CHRM2: variants seen among roughly 807,000 people sequenced by gnomAD.
CHRM2 encodes the protein cholinergic receptor muscarinic 2.
CHRM2 carries 8 observed loss-of-function variants against 25.0 expected under a neutral mutation model. The ratio of observed to expected loss-of-function variants is 0.32; its 90% CI spans 0.19 to 0.58. The LOEUF is 0.58. CHRM2 is among the 20% of genes least tolerant of loss of function. The pLI is 0.88. For missense variants in CHRM2, 440 were observed against 567.1 expected (o/e 0.78, Z 2.28); for synonymous variants, 202 against 205.7 (o/e 0.98, Z 0.15).
chr7:136,887,966 G>A (rs186476379), intron 2 of CHRM2, among the ~76,000 whole-genome samples: 3 of 152,138 alleles, frequency 2.0e-5, no homozygotes, highest in Admixed American at 2.0e-4. Context: ...CTTTGGGAAG[G>A]CAGAACTGGA....
At chr7:136,957,970 T>A (rs1291882063) in intron 2 of CHRM2, among the ~76,000 whole-genome samples, 2 of 152,226 alleles carry the variant, frequency 1.3e-5, no homozygotes, top group Non-Finnish European at 2.9e-5. Flanking sequence ...TATTTACCAT[T>A]TGATCATCTG....
intron 2 of CHRM2, among the ~76,000 whole-genome samples, chr7:136,983,568 A>T (rs1802633849): frequency 6.6e-6 from 1 of 151,956 alleles, no homozygotes; most frequent in Admixed American, 6.6e-5. Context: ...ATCTTCATGG[A>T]TTTATCTACC....
At chr7:136,920,418 A>G (rs1288858656) in intron 2 of CHRM2, among the ~76,000 whole-genome samples, 1 of 152,184 alleles carries the variant, frequency 6.6e-6, no homozygotes, top group Non-Finnish European at 1.5e-5. Context: ...GTCTGAGAAC[A>G]TACTGTGTTC....
intron 2 of CHRM2, among the ~76,000 whole-genome samples, chr7:136,972,522 C>T (rs1801842468): frequency 6.6e-6 from 1 of 152,044 alleles, no homozygotes; most frequent in African/African-American, 2.4e-5. Flanking sequence ...TCCATTCCCT[C>T]TAGCGTTTTC....
chr7:136,996,865 A>G lies in CHRM2; in HGVS notation c.-47+4601A>G, dbSNP rs1186113261. On this transcript the variant is annotated intron_variant, in intron 3 of 3. Transcript: ENST00000680005. ...GAGCCTACAGGCCAAAGCTGTCCAC[A>G]AACATGTTTTGCTGGCTTCTCAGTA... Among the ~76,000 whole-genome samples the G allele has an allele frequency of 2.0e-5, 3 of 152,230 alleles. No individual in the cohort carries two copies. In the East Asian group the frequency reaches 5.8e-4, roughly 29 times the overall value.
chr7:136,931,275 G>T (rs1400932198), intron 2 of CHRM2, among the ~76,000 whole-genome samples: 2 of 152,188 alleles, frequency 1.3e-5, no homozygotes, highest in African/African-American at 4.8e-5. Context: ...CACAAAGACA[G>T]ATAGAGATTT....
intron 2 of CHRM2, among the ~76,000 whole-genome samples, chr7:136,904,030 T>C (rs770820293): frequency 2.6e-5 from 4 of 151,992 alleles, no homozygotes; most frequent in Non-Finnish European, 5.9e-5. Flanking sequence ...TTTAATGTAC[T>C]ATTGAATTCC....
At chr7:136,984,289 C>T (rs893753908) in intron 2 of CHRM2, among the ~76,000 whole-genome samples, 6 of 152,144 alleles carry the variant, frequency 3.9e-5, no homozygotes, top group African/African-American at 1.2e-4. Flanking sequence ...TGCCCCTCCC[C>T]CCACCAAGCT....
At chr7:137,000,094 T>A (rs1240681954) in intron 3 of CHRM2, among the ~76,000 whole-genome samples, 1 of 151,582 alleles carries the variant, frequency 6.6e-6, no homozygotes, top group Admixed American at 6.6e-5. Flanking sequence ...TTTCTACTAC[T>A]CCCAACCTAG....
chr7:137,009,816 A>C (rs1804687937), intron 3 of CHRM2, among the ~76,000 whole-genome samples: 1 of 152,036 alleles, frequency 6.6e-6, no homozygotes, highest in Non-Finnish European at 1.5e-5. Flanking sequence ...TATCATTACC[A>C]GTAGTAGTAT....
chr7:136,933,065 AT>A (rs1441764758), intron 2 of CHRM2, among the ~76,000 whole-genome samples: 2 of 152,062 alleles, frequency 1.3e-5, no homozygotes, highest in African/African-American at 2.4e-5. Flanking sequence ...TAAATAAATA[AT>A]TTTTTTAAAT....
Position 137,015,362 on chromosome 7 carries a change from T to G in CHRM2, c.497T>G (p.Val166Gly). ...APAILFWQFI[V>G]GVRTVEDGEC... is the part of the protein sequence containing the mutation. ...GCCATTCTCTTCTGGCAGTTCATTGTAGGGGTGAGAACTGTGGAGGATGGG... is the reference window on the plus strand; with the variant it reads ...GCCATTCTCTTCTGGCAGTTCATTGGAGGGGTGAGAACTGTGGAGGATGGG... The change falls in exon 4 of 4, where the codon GTA (valine) becomes GGA (glycine). Residue 166 changes from valine (V) to glycine (G), a missense_variant. Val to Gly is a moderately radical substitution (Grantham distance 109). Around this residue, in one of 5 missense-constraint regions of CHRM2, gnomAD observed 261 missense variants for 261.8 expected, o/e 1.00. Transcript: ENST00000680005. This position sits in a 1 kb window ranked among gnomAD's most constrained non-coding sequence, Gnocchi z 5.1. The G allele has an allele frequency of 2.5e-6, 4 of 1,613,506 alleles. No individual in the cohort carries two copies. The highest frequency in any genetic ancestry group is 3.4e-6 in the Non-Finnish European group (4 of 1,179,636).
intron 3 of CHRM2, among the ~76,000 whole-genome samples, chr7:137,001,735 C>T (rs1335300949): frequency 6.6e-6 from 1 of 152,136 alleles, no homozygotes; most frequent in Non-Finnish European, 1.5e-5. Context: ...GGGAGGCCTG[C>T]TCTAACCTGG....
chr7:136,952,025 G>A (rs1387154023), intron 2 of CHRM2, among the ~76,000 whole-genome samples: 4 of 152,148 alleles, frequency 2.6e-5, no homozygotes, highest in Admixed American at 1.3e-4. Flanking sequence ...AGGATTTGTC[G>A]CCCTAGACCC....
At chr7:136,929,298 A>G (rs1383494442) in intron 2 of CHRM2, among the ~76,000 whole-genome samples, 1 of 151,644 alleles carries the variant, frequency 6.6e-6, no homozygotes, top group Non-Finnish European at 1.5e-5. Context: ...AACAGAGCAA[A>G]GAAAGTGTGT....
At chr7:136,938,545 G>C (rs1799556328) in intron 2 of CHRM2, 1 of 921,344 alleles carries the variant, frequency 1.1e-6, no homozygotes, top group African/African-American at 1.6e-5. Flanking sequence ...TGACTGCAGT[G>C]ATCCCTCCCA....
At chr7:136,907,891 C>T (rs932530560) in intron 2 of CHRM2, 17 of 151,888 alleles carry the variant, frequency 1.1e-4, no homozygotes, top group Non-Finnish European at 1.9e-4. Flanking sequence ...TCTCCTACCT[C>T]GTTTTGTTTC....
chr7:136,929,467 G>A (rs865843886), intron 2 of CHRM2, among the ~76,000 whole-genome samples: 1 of 152,022 alleles, frequency 6.6e-6, no homozygotes, highest in African/African-American at 2.4e-5. Flanking sequence ...AGGTTCCAGG[G>A]ATACCTCCTT....
chr7:136,899,650 C>T (rs1278773113), intron 2 of CHRM2: 1 of 152,066 alleles, frequency 6.6e-6, no homozygotes, highest in Non-Finnish European at 1.5e-5. Context: ...TTCCACTACT[C>T]TCTTTAGAAA....
Sources: gnomAD v4.1 joint callset for allele counts (sites outside exome capture counted in the v4.1 genomes callset) on GRCh38, gnomAD v4.1.1 for gene constraint, gnomAD v4.1.1 regional missense constraint, Gnocchi (gnomAD v3.1) non-coding constraint, MANE v1.5 for transcripts, NCBI Gene and HGNC (gene_info 2026-07-23, HGNC 2026-07-21) for gene names.